Variants in TLN2 observed in about 807,000 individuals in gnomAD.
TLN2 encodes talin-2.
Under a neutral mutation model 294.7 loss-of-function variants are expected in TLN2, and 118 were observed. That is an observed-to-expected ratio of 0.40 (90% CI 0.34 to 0.47). The LOEUF is 0.47. TLN2 is among the 20% of genes least tolerant of loss of function. The probability of loss-of-function intolerance (pLI) is 0.84; values close to 1 mark genes in which losing one functional copy is unlikely to be tolerated. For synonymous variants in TLN2, 1,431 were observed against 1,304.5 expected, an observed-to-expected ratio of 1.10 and a Z score of -2.09; for missense variants, 3,083 against 3,282.2, an observed-to-expected ratio of 0.94 and a Z score of 1.48.
At position 62,837,284 on chromosome 15, in the gene TLN2, G is replaced by A. The variant is rs563469135; in HGVS notation, c.7374+1211G>A. On this transcript the variant is annotated intron_variant, in intron 57 of 58. Transcript: ENST00000636159. ...GGAAAAATTGAGGAGCTGCATGTTC[G>A]TTTGTGAATATGTGATTTCTGGGTC... is the stretch of plus-strand genomic sequence containing the variant. 9.2e-5 allele frequency among the ~76,000 whole-genome samples: 14 copies of A among 152,280 alleles called. No individual in the cohort carries two copies. The South Asian group carries it at 2.3e-3, about 25-fold the overall frequency.
At chr15:62,498,172 A>G (rs1656145) in intron 1 of TLN2, among the ~76,000 whole-genome samples, 19,226 of 149,648 alleles carry the variant, frequency 0.13, 1,739 homozygotes, top group African/African-American at 0.24. Context: ...AAAAAAAAAA[A>G]AAGAAAAAAA....
intron 30 of TLN2, among the ~76,000 whole-genome samples, chr15:62,739,147 T>G (rs1235905966): frequency 6.6e-6 from 1 of 152,222 alleles, no homozygotes; most frequent in Non-Finnish European, 1.5e-5. Context: ...AGCAGGTGTT[T>G]GATACATTTA....
intron 1 of TLN2, among the ~76,000 whole-genome samples, chr15:62,562,519 C>T (rs143286520): frequency 1.4e-5 from 2 of 147,134 alleles, no homozygotes; most frequent in East Asian, 2.0e-4. Context: ...CCTTCCTGAA[C>T]ATCTCTCCTC....
chr15:62,578,208 C>T (rs900294770), intron 1 of TLN2, among the ~76,000 whole-genome samples: 10 of 152,186 alleles, frequency 6.6e-5, no homozygotes, highest in East Asian at 1.9e-4. Context: ...TGGTACATGA[C>T]GTGGTAAATA....
chr15:62,547,099 G>A (rs577181994), intron 1 of TLN2, among the ~76,000 whole-genome samples: 4 of 152,198 alleles, frequency 2.6e-5, no homozygotes, highest in African/African-American at 7.2e-5. Context: ...AGGATTAACT[G>A]TTAATAAGCT....
At chr15:62,577,400 C>T (rs958254804) in intron 1 of TLN2, among the ~76,000 whole-genome samples, 1 of 152,180 alleles carries the variant, frequency 6.6e-6, no homozygotes, top group Admixed American at 6.5e-5. Flanking sequence ...GCCGAGATCG[C>T]GTCATTGCAC....
At chr15:62,770,896 T>A in intron 41 of TLN2, 68 bp from the exon 42 acceptor site, 1 of 1,537,780 alleles carries the variant, frequency 6.5e-7, no homozygotes, top group Non-Finnish European at 8.7e-7. Context: ...CGCCTGACTG[T>A]GGAGCCCCTG....
chr15:62,436,263 C>T (rs958066714), intron 1 of TLN2, among the ~76,000 whole-genome samples: 5 of 152,186 alleles, frequency 3.3e-5, no homozygotes, highest in Admixed American at 1.3e-4. Context: ...TACAGTGGTG[C>T]GTATCTGTCC....
rs151104144 is a variant in TLN2 at position 62,797,458 on chromosome 15, T to C, written c.6234+56T>C. ...CCGGTCTTCCCGTGAACGCTGCACA[T>C]CGGGCCTCAGAAGAGGCCTAAGGCA... On this transcript the variant is annotated intron_variant, in intron 48 of 58. Transcript: ENST00000636159. 1,083 of 1,512,110 alleles carry C rather than the reference T, an allele frequency of 7.2e-4. 12 individuals carry two copies. In the African/African-American group the frequency reaches 0.012, roughly 17 times the overall value. 93.7% of individuals were successfully genotyped at this position (1,512,110 alleles called of 1,614,324 possible).
chr15:62,503,414 C>T lies in TLN2; in HGVS notation c.-237-86273C>T, dbSNP rs74715323. ...CCTGAGCTCGAATCCTCCACTTCAA[C>T]TTTTAGCACTGATTTCTCCGCTTAA... is the stretch of plus-strand genomic sequence containing the variant. On this transcript the variant is annotated intron_variant, in intron 1 of 58. Coordinates refer to ENST00000636159, the MANE Select transcript of TLN2 (RefSeq NM_015059.3). 4.2e-4 allele frequency among the ~76,000 whole-genome samples: 64 copies of T among 152,286 alleles called. 1 individual carries two copies. The East Asian group carries it at 6.2e-3, about 15-fold the overall frequency.
At chr15:62,493,877 C>T (rs968133045) in intron 1 of TLN2, among the ~76,000 whole-genome samples, 1 of 152,132 alleles carries the variant, frequency 6.6e-6, no homozygotes, top group East Asian at 1.9e-4. Context: ...TCCCAAAGTG[C>T]TGGGATTATA....
At chr15:62,562,242 G>A (rs1046092309) in intron 1 of TLN2, among the ~76,000 whole-genome samples, 5 of 151,988 alleles carry the variant, frequency 3.3e-5, no homozygotes, top group Admixed American at 2.6e-4. Context: ...ATACCATTTT[G>A]GTTTGTTTTT....
intron 1 of TLN2, among the ~76,000 whole-genome samples, chr15:62,441,365 G>C (rs1411443950): frequency 6.6e-6 from 1 of 152,216 alleles, no homozygotes; most frequent in Admixed American, 6.5e-5. Context: ...CTGAGTAGCT[G>C]GGAGTACAGC....
intron 1 of TLN2, among the ~76,000 whole-genome samples, chr15:62,513,835 A>G (rs939977128): frequency 1.3e-5 from 2 of 152,326 alleles, no homozygotes; most frequent in East Asian, 3.9e-4. Flanking sequence ...CCTGTTTGGC[A>G]TTTTGTAGCT....
At chr15:62,703,631 A>G (rs1415793735) in intron 19 of TLN2, among the ~76,000 whole-genome samples, 32 of 134,272 alleles carry the variant, frequency 2.4e-4, no homozygotes, top group Non-Finnish European at 6.6e-5. Flanking sequence ...ACGCGCGCAC[A>G]CACACACACA....
At chr15:62,688,257 A>AT (rs1025042201) in intron 12 of TLN2, among the ~76,000 whole-genome samples, 1 of 152,098 alleles carries the variant, frequency 6.6e-6, no homozygotes, top group Non-Finnish European at 1.5e-5. Context: ...ATACGTAGTG[A>AT]TTTTTTCCTT....
intron 45 of TLN2, 68 bp from the exon 46 acceptor site, chr15:62,792,573 C>T (rs1596010136): frequency 3.8e-6 from 6 of 1,571,652 alleles, no homozygotes; most frequent in Non-Finnish European, 4.3e-6. Context: ...AAATTTTCCA[C>T]GTAGGGAAGG....
intron 1 of TLN2, among the ~76,000 whole-genome samples, chr15:62,432,231 G>A (rs1211166453): frequency 6.6e-6 from 1 of 152,120 alleles, no homozygotes; most frequent in African/African-American, 2.4e-5. Flanking sequence ...TCCTCTAATT[G>A]AAGACAAAAT....
intron 1 of TLN2, among the ~76,000 whole-genome samples, chr15:62,556,178 C>CAT (rs1345096426): frequency 1.3e-5 from 2 of 151,062 alleles, no homozygotes; most frequent in African/African-American, 2.4e-5. Flanking sequence ...ATTGGTTTGG[C>CAT]ATATATATGG....
Sources: gnomAD v4.1 joint callset for allele counts (sites outside exome capture counted in the v4.1 genomes callset) on GRCh38, gnomAD v4.1.1 for gene constraint, MANE v1.5 for transcripts, NCBI Gene and HGNC (gene_info 2026-07-23, HGNC 2026-07-21) for gene names.